SDK2: variants seen among roughly 807,000 people sequenced by gnomAD.
SDK2 encodes protein sidekick-2.
Under a neutral mutation model 253.9 loss-of-function variants are expected in SDK2, and 105 were observed. The observed-to-expected ratio is 0.41, with a 90% confidence interval of 0.35 to 0.49. SDK2 has a LOEUF of 0.49. Ranked by LOEUF, SDK2 falls within the 20% of genes least tolerant of loss-of-function variation. The pLI, the probability that SDK2 is intolerant of heterozygous loss-of-function variation, is 0.06. For synonymous variants in SDK2, 1,249 were observed against 1,234.9 expected, an observed-to-expected ratio of 1.01 and a Z score of -0.24; for missense variants, 2,608 against 3,003.0, an observed-to-expected ratio of 0.87 and a Z score of 3.07.
At position 73,455,067 on chromosome 17, in the gene SDK2, G is replaced by A. The variant is rs564034354; in HGVS notation, c.479+839C>T. On this transcript the variant is annotated intron_variant, in intron 4 of 44. Coordinates refer to ENST00000392650, the MANE Select transcript of SDK2 (RefSeq NM_001144952.2). This position sits in a 1 kb window ranked among gnomAD's most constrained non-coding sequence, Gnocchi z 5.0. ...CTTCCTTCCCCCAACTAGACTTAAT[G>A]CTCCCCAAAGGCAGGAACCATCCAT... 6.6e-6 allele frequency among the ~76,000 whole-genome samples: 1 copy of A among 152,182 alleles called. No individual in the cohort carries two copies. Among genetic ancestry groups the A allele is most frequent in the South Asian group, 2.1e-4 (1 of 4,814 alleles).
At position 73,379,533 on chromosome 17, in the gene SDK2, C is replaced by T; in HGVS notation, c.4779G>A (p.Arg1593=). Residue 1593 remains arginine (R), a synonymous_variant, in exon 35 of 45, where the codon AGG becomes AGA. Coordinates refer to ENST00000392650, the MANE Select transcript of SDK2 (RefSeq NM_001144952.2). The surrounding 1 kb of genome is among the most constrained non-coding windows in gnomAD (Gnocchi z 4.5). ...ACACGCTCATCCGTATCTCGTACCG[C>T]CTGTGCTTGTTCAGGTCTGTGGGGG... is the stretch of plus-strand genomic sequence containing the variant. ...QYELDNLNKH[R]RYEIRMSVYN... is the part of the protein sequence containing the mutation. 6.2e-7 allele frequency: 1 copy of T among 1,611,974 alleles called. No homozygotes were observed. The highest frequency in any genetic ancestry group is 2.2e-5 in the East Asian group (1 of 44,834).
chr17:73,457,393 A>T (rs867008725), intron 3 of SDK2, among the ~76,000 whole-genome samples: 45 of 148,146 alleles, frequency 3.0e-4, no homozygotes, highest in Middle Eastern at 6.8e-3. Flanking sequence ...CCAGGCTTCA[A>T]TCAGCCAAGT....
At chr17:73,468,543 G>A (rs139825587) in intron 3 of SDK2, among the ~76,000 whole-genome samples, 2,627 of 151,694 alleles carry the variant, frequency 0.017, 58 homozygotes, top group African/African-American at 0.057. Flanking sequence ...ATGGAGTCTC[G>A]CTCTGTCACC....
At chr17:73,459,837 A>G (rs2063552197) in intron 3 of SDK2, among the ~76,000 whole-genome samples, 1 of 152,060 alleles carries the variant, frequency 6.6e-6, no homozygotes, top group Non-Finnish European at 1.5e-5. Flanking sequence ...CTAGGACAAA[A>G]CTTTTGACTT....
chr17:73,411,731 G>A (rs570953097), intron 18 of SDK2, among the ~76,000 whole-genome samples: 44 of 151,916 alleles, frequency 2.9e-4, no homozygotes, highest in Admixed American at 6.6e-4. Context: ...GAGAAGTCCT[G>A]ACCTTTAGCT....
intron 1 of SDK2, among the ~76,000 whole-genome samples, chr17:73,580,773 C>T (rs1055627318): frequency 7.9e-5 from 12 of 151,768 alleles, no homozygotes; most frequent in African/African-American, 1.7e-4. Context: ...TTTGGATTTG[C>T]GATTTTTTTC....
intron 1 of SDK2, among the ~76,000 whole-genome samples, chr17:73,553,597 C>A (rs1360278699): frequency 6.6e-6 from 1 of 152,112 alleles, no homozygotes; most frequent in Non-Finnish European, 1.5e-5. Context: ...AGGTTTGAGG[C>A]CCAGGGTCAC....
intron 1 of SDK2, among the ~76,000 whole-genome samples, chr17:73,544,192 C>T (rs1158170105): frequency 6.6e-6 from 1 of 152,230 alleles, no homozygotes; most frequent in Non-Finnish European, 1.5e-5. Context: ...CTCACTTAAA[C>T]TCCCACAACA....
intron 1 of SDK2, among the ~76,000 whole-genome samples, chr17:73,601,144 C>T (rs931405238): frequency 3.3e-5 from 5 of 151,936 alleles, no homozygotes; most frequent in East Asian, 3.9e-4. Flanking sequence ...CTCAGCCTCC[C>T]GAGTAGCTGG....
rs1487112225 is a variant in SDK2, at chr17:73,383,979, G to A, written c.4602C>T (p.Leu1534=). Residue 1534 remains leucine, a synonymous_variant, in exon 33 of 45, where the codon CTC becomes CTT. Coordinates refer to ENST00000392650, the MANE Select transcript of SDK2 (RefSeq NM_001144952.2). This position sits in a 1 kb window ranked among gnomAD's most constrained non-coding sequence, Gnocchi z 4.3. ...PPAEDKINGI[L]LGFRIRYREL... is the part of the protein sequence containing the mutation. Reference sequence around the variant, plus strand: ...CCCGGTATCGGATCCGGAAGCCCAGGAGGATGCCATTGATCTTGTCCTCTG... The same window carrying A: ...CCCGGTATCGGATCCGGAAGCCCAGAAGGATGCCATTGATCTTGTCCTCTG... 1 of 1,613,920 alleles carries A rather than the reference G, an allele frequency of 6.2e-7. No homozygotes were observed. The highest frequency in any genetic ancestry group is 1.1e-5 in the South Asian group (1 of 91,052).
At chr17:73,414,051 CTTT>C in intron 18 of SDK2, among the ~76,000 whole-genome samples, 1 of 143,728 alleles carries the variant, frequency 7.0e-6, no homozygotes, top group South Asian at 2.2e-4. Context: ...TCTCTCTCTT[CTTT>C]TTTTTTTTTT....
chr17:73,412,257 C>T (rs2063145794), intron 18 of SDK2, among the ~76,000 whole-genome samples: 1 of 148,916 alleles, frequency 6.7e-6, no homozygotes, highest in Non-Finnish European at 1.5e-5. Flanking sequence ...GGAACATATA[C>T]ATATACATAT....
chr17:73,346,585 C>G (rs966793576), intron 44 of SDK2, among the ~76,000 whole-genome samples: 2 of 152,176 alleles, frequency 1.3e-5, no homozygotes, highest in Non-Finnish European at 2.9e-5. Context: ...GGAGAGCCAG[C>G]CCCTCTCTCC....
At chr17:73,449,923 A>C (rs905366880) in intron 4 of SDK2, among the ~76,000 whole-genome samples, 1 of 152,096 alleles carries the variant, frequency 6.6e-6, no homozygotes, top group African/African-American at 2.4e-5. Context: ...ACTCCATCTC[A>C]AAAAAACAAA....
Position 73,618,921 on chromosome 17 carries a change from C to A in SDK2, c.64+25104G>T, listed in dbSNP as rs1414330018. Among the ~76,000 whole-genome samples, 1 of 152,126 alleles carries A rather than the reference C, an allele frequency of 6.6e-6. No homozygotes were observed. Among genetic ancestry groups the A allele is most frequent in the African/African-American group, 2.4e-5 (1 of 41,420 alleles). On this transcript the variant is annotated intron_variant, in intron 1 of 44. Transcript: ENST00000392650. The surrounding 1 kb of genome is among the most constrained non-coding windows in gnomAD (Gnocchi z 4.1). ...GTGGCTCATGCCTGTAATCCCAGCA[C>A]TTTGGGAGGCCAAGGCGGGTGGATC...
intron 1 of SDK2, among the ~76,000 whole-genome samples, chr17:73,638,058 C>T (rs1163987711): frequency 6.6e-6 from 1 of 152,336 alleles, no homozygotes; most frequent in East Asian, 1.9e-4. Context: ...TACCTGGCTG[C>T]TCAGTGCGCT....
intron 2 of SDK2, among the ~76,000 whole-genome samples, chr17:73,483,707 A>ATTTT (rs35288553): frequency 9.3e-5 from 6 of 64,306 alleles, no homozygotes; most frequent in African/African-American, 2.2e-4. Context: ...ATATATATAT[A>ATTTT]TTTTTTTTTT....
chr17:73,373,793 T>C (rs974793954), intron 36 of SDK2, among the ~76,000 whole-genome samples: 2 of 152,092 alleles, frequency 1.3e-5, no homozygotes, highest in Admixed American at 1.3e-4. Flanking sequence ...CCTGCCGCCA[T>C]GGCCAGCTAA....
At chr17:73,610,764 T>C (rs1326555483) in intron 1 of SDK2, among the ~76,000 whole-genome samples, 1 of 152,218 alleles carries the variant, frequency 6.6e-6, no homozygotes. Flanking sequence ...TATGTATCTA[T>C]ATATGTGTGT....
Sources: gnomAD v4.1 joint callset for allele counts (sites outside exome capture counted in the v4.1 genomes callset) on GRCh38, gnomAD v4.1.1 for gene constraint, Gnocchi (gnomAD v3.1) non-coding constraint, MANE v1.5 for transcripts, NCBI Gene and HGNC (gene_info 2026-07-23, HGNC 2026-07-21) for gene names.